The following IRF9 variants were observed in gnomAD, a reference collection of about 807,000 sequenced individuals.
IRF9 encodes interferon regulatory factor 9.
In IRF9, 13 loss-of-function variants were observed where a neutral mutation model predicts 44.1. That is an observed-to-expected ratio of 0.29 (90% CI 0.19 to 0.47). IRF9 has a LOEUF of 0.47. Ranked by LOEUF, IRF9 falls within the 20% of genes least tolerant of loss-of-function variation. The pLI is 1.00. For synonymous variants in IRF9, 189 were observed against 188.5 expected, an observed-to-expected ratio of 1.00 and a Z score of -0.02; for missense variants, 373 against 496.1, an observed-to-expected ratio of 0.75 and a Z score of 2.36.
At chr14:24,161,689 G>T (rs777427527) in intron 1 of IRF9, among the ~76,000 whole-genome samples, 2 of 152,186 alleles carry the variant, frequency 1.3e-5, no homozygotes, top group Non-Finnish European at 2.9e-5. Flanking sequence ...GGCCGGCAGG[G>T]GGTGGGGGTC....
At position 24,162,927 on chromosome 14, in the gene IRF9, GTAACACACTGCCTCT is replaced by G. The variant is rs766952128; in HGVS notation, c.181-37_181-23del. On this transcript the variant is annotated intron_variant, in intron 2 of 8. Coordinates refer to ENST00000396864, the MANE Select transcript of IRF9 (RefSeq NM_006084.5). ...CCTATTGGAGGGGCAGGTGGAGCCT[GTAACACACTGCCTCT>G]TCTTCCCTTGCTTTCTTTCCTAGGC... 2.5e-6 allele frequency: 4 copies of G among 1,580,004 alleles called. No homozygotes were observed. In the South Asian group the frequency reaches 4.6e-5, roughly 18 times the overall value.
rs1379179354 is a variant in IRF9 at position 24,164,468 on chromosome 14, A to T, written c.650-146A>T. On this transcript the variant is annotated intron_variant, in intron 6 of 8. Transcript: ENST00000396864. This position sits in a 1 kb window ranked among gnomAD's most constrained non-coding sequence, Gnocchi z 5.2. ...CCTGAGGCCTCATGGTGAATCACAT[A>T]CTAGCTACTTGCCTCAGTGATAGGA... 2 of 760,908 alleles carry T rather than the reference A, an allele frequency of 2.6e-6. No individual in the cohort carries two copies. Among genetic ancestry groups the T allele is most frequent in the Non-Finnish European group, 4.3e-6 (2 of 462,430 alleles). 47.1% of individuals were successfully genotyped at this position (760,908 alleles called of 1,614,324 possible). A position where few individuals can be genotyped will look rare whatever the true frequency, so the allele number is the denominator to read the frequency against.
chr14:24,163,685 A>G, intron 4 of IRF9, 177 bp downstream of exon 4: 3 of 891,742 alleles, frequency 3.4e-6, no homozygotes, highest in Non-Finnish European at 5.1e-6. Flanking sequence ...TAAAAATACA[A>G]AAATTAGCTG....
rs1337305789 is a variant in IRF9 at position 24,162,465 on chromosome 14, G to A, written c.180+141G>A. On this transcript the variant is annotated intron_variant, in intron 2 of 8. Coordinates refer to ENST00000396864, the MANE Select transcript of IRF9 (RefSeq NM_006084.5). ...AGGAAAACTAGCTGCATCATTTGCA[G>A]AGTCCAGTACAAAATGAAAATGTGG... 5 of 849,500 alleles carry A rather than the reference G, an allele frequency of 5.9e-6. No homozygotes were observed. The East Asian group carries it at 1.1e-4, about 18-fold the overall frequency. 52.6% of individuals were successfully genotyped at this position (849,500 alleles called of 1,614,324 possible).
Position 24,163,919 on chromosome 14 carries a change from T to TGGGAGC in IRF9, c.538_543dup (p.Gly180_Ser181dup), listed in dbSNP as rs1014274827. On this transcript the variant is annotated inframe_insertion, in exon 5 of 9. Coordinates refer to ENST00000396864, the MANE Select transcript of IRF9 (RefSeq NM_006084.5). ...GTGGGGGAGCAGTCCATTCAGACAT[T>TGGGAGC]GGGAGCAGCAGCAGCAGCAGCAGCC... 1.0e-5 allele frequency: 16 copies of TGGGAGC among 1,603,938 alleles called. No individual in the cohort carries two copies. Among genetic ancestry groups the TGGGAGC allele is most frequent in the Non-Finnish European group, 1.4e-5 (16 of 1,177,378 alleles).
Position 24,163,402 on chromosome 14 carries a change from C to T in IRF9, c.389C>T (p.Pro130Leu), listed in dbSNP as rs756626683. ...VSGQPGTQKVPSKRQHSSVSS... is the reference protein window; with the variant it reads ...VSGQPGTQKVLSKRQHSSVSS... ...GGCCAGCCAGGGACTCAGAAAGTAC[C>T]ATCAAAGCGACAGCACAGTTCTGTG... The change falls in exon 4 of 9, where the codon CCA becomes CTA. Residue 130 changes from proline (P) to leucine (L), a missense_variant. By Grantham distance (98) the Pro-to-Leu change is moderately conservative. Around this residue, in one of 2 missense-constraint regions of IRF9, gnomAD observed 227 missense variants for 255.3 expected, o/e 0.89. Transcript: ENST00000396864. The T allele has an allele frequency of 1.7e-5, 28 of 1,614,106 alleles. No individual in the cohort carries two copies. The Middle Eastern group carries it at 4.9e-4, about 29-fold the overall frequency.
intron 7 of IRF9, chr14:24,165,372 C>T (rs1343577498): frequency 4.9e-6 from 3 of 616,816 alleles, no homozygotes; most frequent in Admixed American, 5.1e-5. Flanking sequence ...GTCTTTACCA[C>T]ACTCCAGGCA....
chr14:24,165,809 C>A, intron 7 of IRF9, 38 bp from the exon 8 acceptor site: 1 of 1,477,154 alleles, frequency 6.8e-7, no homozygotes, highest in Non-Finnish European at 9.4e-7. Flanking sequence ...CCTCTCTCTT[C>A]TTTTTGTTCT....
At chr14:24,163,753 G>T in intron 4 of IRF9, 125 bp from the exon 5 acceptor site, 2 of 1,036,162 alleles carry the variant, frequency 1.9e-6, no homozygotes, top group Non-Finnish European at 2.8e-6. Flanking sequence ...CAGGAGAATC[G>T]CTTGAACCGG....
rs1371616001 is a variant in IRF9, at chr14:24,165,890, C to A, written c.1035C>A (p.Phe345Leu). 6.2e-7 allele frequency: 1 copy of A among 1,614,182 alleles called. No individual in the cohort carries two copies. The highest frequency in any genetic ancestry group is 1.7e-5 in the Admixed American group (1 of 60,024). Residue 345 changes from phenylalanine to leucine, a missense_variant, in exon 8 of 9, where the codon TTC becomes TTA. Around this residue, in one of 2 missense-constraint regions of IRF9, gnomAD observed 146 missense variants for 240.8 expected, o/e 0.61. Coordinates refer to ENST00000396864, the MANE Select transcript of IRF9 (RefSeq NM_006084.5). ...AGGGCCTGGGCCCCCCACCGAAGTT[C>A]CAGGTAACACTGAATTTCTGGGAAG... is the stretch of plus-strand genomic sequence containing the variant. The part of the protein sequence containing the change: ...YFQGLGPPPK[F>L]QVTLNFWEES...
chr14:24,165,589 C>CT (rs1383579198), intron 7 of IRF9: 1 of 552,044 alleles, frequency 1.8e-6, no homozygotes, highest in African/African-American at 1.9e-5. Flanking sequence ...TGGGAGGACT[C>CT]TAAACTCTCC....
chr14:24,162,547 A>G (rs2060358101), intron 2 of IRF9: 1 of 516,684 alleles, frequency 1.9e-6, no homozygotes, highest in Non-Finnish European at 3.4e-6. Context: ...CACGCCTGTA[A>G]TCCCAGCACT....
At chr14:24,162,404 C>A in intron 2 of IRF9, 80 bp downstream of exon 2, 5 of 1,384,896 alleles carry the variant, frequency 3.6e-6, no homozygotes, top group East Asian at 2.3e-5. Flanking sequence ...CGAGCACTTG[C>A]GTCTGCCTGG....
rs943088043 is a variant in IRF9 at position 24,162,736 on chromosome 14, T to C, written c.181-230T>C. Reference sequence around the variant, plus strand: ...AATCGCTTGAACCAGGGAGGTGGAGTTGTAGTGAGTCGAGATCGCACCACT... The same window carrying C: ...AATCGCTTGAACCAGGGAGGTGGAGCTGTAGTGAGTCGAGATCGCACCACT... On this transcript the variant is annotated intron_variant, in intron 2 of 8. Coordinates refer to ENST00000396864, the MANE Select transcript of IRF9 (RefSeq NM_006084.5). 5 of 497,920 alleles carry C rather than the reference T, an allele frequency of 1.0e-5. No homozygotes were observed. The Admixed American group carries it at 1.1e-4, about 11-fold the overall frequency. 30.8% of individuals were successfully genotyped at this position (497,920 alleles called of 1,614,324 possible). A position where few individuals can be genotyped will look rare whatever the true frequency, so the allele number is the denominator to read the frequency against.
chr14:24,165,906 T>C lies in IRF9; in HGVS notation c.1051T>C (p.Phe351Leu), dbSNP rs1277880212. ...PPPKFQVTLNFWEESHGSSHT... is the reference protein window; with the variant it reads ...PPPKFQVTLNLWEESHGSSHT... Reference sequence around the variant, plus strand: ...ACCGAAGTTCCAGGTAACACTGAATTTCTGGGAAGAGAGCCATGGCTCCAG... The same window carrying C: ...ACCGAAGTTCCAGGTAACACTGAATCTCTGGGAAGAGAGCCATGGCTCCAG... Residue 351 changes from phenylalanine to leucine, a missense_variant, in exon 8 of 9, where the codon TTC becomes CTC. Physicochemically the swap from Phe to Leu is conservative, Grantham distance 22 (BLOSUM62 0). This residue lies in a region of IRF9 where 146 missense variants were observed against 240.8 expected (regional missense o/e 0.61). Coordinates refer to ENST00000396864, the MANE Select transcript of IRF9 (RefSeq NM_006084.5). 2.5e-6 allele frequency: 4 copies of C among 1,614,202 alleles called. No individual in the cohort carries two copies. Among genetic ancestry groups the C allele is most frequent in the Non-Finnish European group, 3.4e-6 (4 of 1,180,032 alleles).
Position 24,164,512 on chromosome 14 carries a change from C to T in IRF9, c.650-102C>T, listed in dbSNP as rs138380773. The T allele has an allele frequency of 1.3e-3, 1,485 of 1,168,658 alleles. 14 individuals are homozygous for T. The African/African-American group carries it at 0.014, about 11-fold the overall frequency. The allele number at this position is 1,168,658 out of a possible 1,614,324, so 72.4% of individuals were successfully genotyped here. The stretch of plus-strand genomic sequence containing the variant: ...GATAGGAAAACCTGAGAGGAAGCCC[C>T]CTGGCTGGTGTGGGGAGGGGAGGTG... On this transcript the variant is annotated intron_variant, in intron 6 of 8. Coordinates refer to ENST00000396864, the MANE Select transcript of IRF9 (RefSeq NM_006084.5). This position sits in a 1 kb window ranked among gnomAD's most constrained non-coding sequence, Gnocchi z 5.2.
Position 24,164,250 on chromosome 14 carries a change from ATAG to A in IRF9, c.649+117_649+119del. On this transcript the variant is annotated intron_variant, in intron 6 of 8. Transcript: ENST00000396864. This position sits in a 1 kb window ranked among gnomAD's most constrained non-coding sequence, Gnocchi z 5.2. ...TACAGCAAACTGTACCCACATTACC[ATAG>A]CCCTAGGCAGTGGTTTCTAGGTGGC... 1 of 910,476 alleles carries A rather than the reference ATAG, an allele frequency of 1.1e-6. No individual in the cohort carries two copies. Among genetic ancestry groups the A allele is most frequent in the Non-Finnish European group, 1.8e-6 (1 of 563,068 alleles). 56.4% of individuals were successfully genotyped at this position (910,476 alleles called of 1,614,324 possible). A position where few individuals can be genotyped will look rare whatever the true frequency, so the allele number is the denominator to read the frequency against.
intron 7 of IRF9, 51 bp downstream of exon 7, chr14:24,165,006 A>AC: frequency 2.6e-6 from 4 of 1,567,772 alleles, no homozygotes; most frequent in South Asian, 1.1e-5. Context: ...ACCTCTTAGT[A>AC]CCCCCTGGGC....
In IRF9 at chr14:24,164,969, C is replaced by T. The variant is rs1594390423; in HGVS notation, c.991+14C>T. On this transcript the variant is annotated intron_variant, in intron 7 of 8. Transcript: ENST00000396864. This position sits in a 1 kb window ranked among gnomAD's most constrained non-coding sequence, Gnocchi z 5.2. ...ACTTCTGCAGAGGTGAGGCTGTTCT[C>T]TCTGGGCACATGAGCTTCCACCCCC... The T allele has an allele frequency of 1.9e-6, 3 of 1,609,422 alleles. No individual in the cohort carries two copies. The highest frequency in any genetic ancestry group is 1.7e-6 in the Non-Finnish European group (2 of 1,177,278).
Sources: gnomAD v4.1 joint callset for allele counts (sites outside exome capture counted in the v4.1 genomes callset) on GRCh38, gnomAD v4.1.1 for gene constraint, gnomAD v4.1.1 regional missense constraint, Gnocchi (gnomAD v3.1) non-coding constraint, MANE v1.5 for transcripts, NCBI Gene and HGNC (gene_info 2026-07-23, HGNC 2026-07-21) for gene names.